Variants in GALNT13 observed in about 807,000 individuals in gnomAD.
GALNT13 encodes polypeptide N-acetylgalactosaminyltransferase 13.
A neutral mutation model predicts 64.2 loss-of-function variants in GALNT13; 28 were observed. That is an observed-to-expected ratio of 0.44 (90% CI 0.32 to 0.60). GALNT13 has a LOEUF of 0.60. Ranked by LOEUF, GALNT13 falls within the 20% of genes least tolerant of loss-of-function variation. The pLI, the probability that GALNT13 is intolerant of heterozygous loss-of-function variation, is 0.05. For synonymous variants in GALNT13, 214 were observed against 224.6 expected (o/e 0.95, Z 0.42); for missense variants, 577 against 669.8 (o/e 0.86, Z 1.53).
chr2:153,235,901 A>G, the GALNT13 span, among the ~76,000 whole-genome samples: 2 of 152,232 alleles, frequency 1.3e-5, no homozygotes, highest in Non-Finnish European at 2.9e-5. Flanking sequence ...CAAAGCTGAG[A>G]TAGACTGAAA....
At chr2:153,251,154 A>G in the GALNT13 span, among the ~76,000 whole-genome samples, 1 of 152,250 alleles carries the variant, frequency 6.6e-6, no homozygotes, top group African/African-American at 2.4e-5. Context: ...TGCATTGCCA[A>G]ATATGAAATG....
At chr2:153,226,631 C>A in the GALNT13 span, among the ~76,000 whole-genome samples, 2 of 152,102 alleles carry the variant, frequency 1.3e-5, no homozygotes, top group African/African-American at 4.8e-5. Context: ...AAATACCTTA[C>A]CAGTACTTTT....
intron 10 of GALNT13, among the ~76,000 whole-genome samples, chr2:154,398,041 A>G (rs1397221578): frequency 2.0e-5 from 3 of 152,228 alleles, no homozygotes; most frequent in African/African-American, 4.8e-5. Context: ...TTAAAATAGA[A>G]TAGTCTTTGC....
chr2:153,146,923 G>A, the GALNT13 span, among the ~76,000 whole-genome samples: 3 of 151,780 alleles, frequency 2.0e-5, no homozygotes, highest in East Asian at 5.8e-4. Flanking sequence ...TCTGATATCT[G>A]CAATGAACTT....
chr2:153,764,841 A>G, the GALNT13 span, among the ~76,000 whole-genome samples: 5 of 152,176 alleles, frequency 3.3e-5, no homozygotes, highest in African/African-American at 1.2e-4. Context: ...CTGAATCCCA[A>G]CTGCTTCACA....
chr2:153,734,274 G>A, the GALNT13 span, among the ~76,000 whole-genome samples: 2 of 152,086 alleles, frequency 1.3e-5, no homozygotes, highest in African/African-American at 2.4e-5. Flanking sequence ...CATTTGTTTT[G>A]CCCTTTTCTC....
intron 9 of GALNT13, among the ~76,000 whole-genome samples, chr2:154,328,633 C>A (rs1226916009): frequency 6.6e-6 from 1 of 152,094 alleles, no homozygotes; most frequent in Non-Finnish European, 1.5e-5. Context: ...TCTACTGAAT[C>A]AAAATCTGTA....
chr2:154,019,645 CACACACACAA>C (rs1170521524), intron 3 of GALNT13, among the ~76,000 whole-genome samples: 113 of 148,434 alleles, frequency 7.6e-4, no homozygotes, highest in Middle Eastern at 3.5e-3. Flanking sequence ...CACACACACA[CACACACACAA>C]AAGCAAGAAA....
the GALNT13 span, among the ~76,000 whole-genome samples, chr2:153,303,423 T>G: frequency 6.6e-6 from 1 of 152,332 alleles, no homozygotes; most frequent in Non-Finnish European, 1.5e-5. Flanking sequence ...ATTAAACATG[T>G]TGAATATATT....
chr2:153,720,856 G>T, the GALNT13 span, among the ~76,000 whole-genome samples: 40 of 150,842 alleles, frequency 2.7e-4, 1 homozygote, highest in African/African-American at 8.5e-4. Flanking sequence ...GAAAGTGATG[G>T]GGAGAATGGA....
chr2:153,625,849 C>G, the GALNT13 span, among the ~76,000 whole-genome samples: 1 of 151,960 alleles, frequency 6.6e-6, no homozygotes, highest in Non-Finnish European at 1.5e-5. Flanking sequence ...AGACCCATAT[C>G]AGCCATTGCC....
At chr2:153,898,021 A>G (rs920295245) in intron 1 of GALNT13, among the ~76,000 whole-genome samples, 2 of 152,000 alleles carry the variant, frequency 1.3e-5, no homozygotes, top group Non-Finnish European at 1.5e-5. Context: ...CAGAATTTTC[A>G]TAGGTTGAGT....
the GALNT13 span, among the ~76,000 whole-genome samples, chr2:153,724,511 A>G: frequency 4.7e-5 from 5 of 105,728 alleles, no homozygotes; most frequent in South Asian, 1.9e-3. Flanking sequence ...CATCAGAGTG[A>G]ACAGGCAACC....
the GALNT13 span, among the ~76,000 whole-genome samples, chr2:153,102,505 C>T: frequency 6.6e-6 from 1 of 152,018 alleles, no homozygotes; most frequent in Non-Finnish European, 1.5e-5. Context: ...GATATACTTC[C>T]TTGGAGGAAA....
At chr2:153,888,903 T>C (rs1191284265) in intron 1 of GALNT13, among the ~76,000 whole-genome samples, 1 of 152,056 alleles carries the variant, frequency 6.6e-6, no homozygotes, top group East Asian at 1.9e-4. Context: ...ACAGTCTTCA[T>C]TTTATTCAAC....
chr2:153,416,352 A>G, the GALNT13 span, among the ~76,000 whole-genome samples: 1 of 152,208 alleles, frequency 6.6e-6, no homozygotes, highest in African/African-American at 2.4e-5. Context: ...CACTGAGCCA[A>G]ATAATTTAAT....
the GALNT13 span, among the ~76,000 whole-genome samples, chr2:153,192,339 C>T: frequency 6.6e-6 from 1 of 151,974 alleles, no homozygotes. Context: ...TGTATTTATA[C>T]AGTTTTCAAA....
At chr2:153,440,934 A>G in the GALNT13 span, among the ~76,000 whole-genome samples, 1 of 152,142 alleles carries the variant, frequency 6.6e-6, no homozygotes, top group African/African-American at 2.4e-5. Context: ...TTTGCTGTGC[A>G]GAAGCTCTTT....
the GALNT13 span, among the ~76,000 whole-genome samples, chr2:153,672,806 G>A: frequency 2.0e-5 from 3 of 148,692 alleles, no homozygotes; most frequent in Non-Finnish European, 3.0e-5. Context: ...AAAATAGACC[G>A]CTAGCAAGAC....
Sources: gnomAD v4.1 joint callset for allele counts (sites outside exome capture counted in the v4.1 genomes callset) on GRCh38, gnomAD v4.1.1 for gene constraint, MANE v1.5 for transcripts, NCBI Gene and HGNC (gene_info 2026-07-23, HGNC 2026-07-21) for gene names.